DGKB: variants seen among roughly 807,000 people sequenced by gnomAD.
DGKB encodes the protein 90 kDa diacylglycerol kinase.
In DGKB, 67 loss-of-function variants were observed where a neutral mutation model predicts 114.3. That is an observed-to-expected ratio of 0.59 (90% CI 0.48 to 0.72). The LOEUF (loss-of-function observed/expected upper bound fraction) is 0.72. Among genes scored for constraint, DGKB ranks in the 30% least tolerant of loss-of-function variants. The probability of loss-of-function intolerance (pLI) is 0.00; values close to 1 mark genes in which losing one functional copy is unlikely to be tolerated. For missense variants in DGKB, 907 were observed against 975.2 expected, an observed-to-expected ratio of 0.93 and a Z score of 0.93; for synonymous variants, 398 against 323.1, an observed-to-expected ratio of 1.23 and a Z score of -2.49.
intron 23 of DGKB, among the ~76,000 whole-genome samples, chr7:14,284,180 C>G (rs2128460452): frequency 6.6e-6 from 1 of 151,632 alleles, no homozygotes; most frequent in African/African-American, 2.4e-5. Context: ...AAAAAACAAC[C>G]TCATCAAAAA....
At chr7:14,931,144 T>C (rs1474730888) in intron 1 of DGKB, among the ~76,000 whole-genome samples, 3 of 149,794 alleles carry the variant, frequency 2.0e-5, no homozygotes, top group South Asian at 2.1e-4. Flanking sequence ...TGGAGTCTCA[T>C]CCTGTCGCCC....
At chr7:14,272,825 A>G (rs1798460206) in intron 23 of DGKB, among the ~76,000 whole-genome samples, 1 of 152,198 alleles carries the variant, frequency 6.6e-6, no homozygotes, top group South Asian at 2.1e-4. Flanking sequence ...CTTAAGTGAA[A>G]GATAAGTTTC....
At chr7:14,721,515 CATG>C (rs1300185626) in intron 5 of DGKB, among the ~76,000 whole-genome samples, 1 of 152,082 alleles carries the variant, frequency 6.6e-6, no homozygotes, top group African/African-American at 2.4e-5. Flanking sequence ...GTATTTATCA[CATG>C]GAATACGGTT....
chr7:14,532,006 CAT>C (rs1161190285), intron 20 of DGKB, among the ~76,000 whole-genome samples: 4 of 150,812 alleles, frequency 2.7e-5, no homozygotes, highest in African/African-American at 9.7e-5. Context: ...CCCTTTAAAC[CAT>C]ATACAAAAAT....
At chr7:14,522,604 A>G (rs977903973) in intron 20 of DGKB, among the ~76,000 whole-genome samples, 2 of 152,140 alleles carry the variant, frequency 1.3e-5, no homozygotes, top group African/African-American at 2.4e-5. Flanking sequence ...TATTGACACA[A>G]CTGGAAAGGG....
At chr7:14,269,741 A>G (rs1283822123) in intron 23 of DGKB, among the ~76,000 whole-genome samples, 1 of 152,196 alleles carries the variant, frequency 6.6e-6, no homozygotes, top group Non-Finnish European at 1.5e-5. Flanking sequence ...TTTCAATTCA[A>G]TCTGTATATC....
intron 2 of DGKB, among the ~76,000 whole-genome samples, chr7:14,801,913 C>T (rs186400344): frequency 0.048 from 6,147 of 126,970 alleles, 179 homozygotes; most frequent in South Asian, 0.064. Context: ...CATATACACA[C>T]ATATATACAT....
chr7:14,484,061 T>G (rs1440801561), intron 20 of DGKB, among the ~76,000 whole-genome samples: 2 of 151,948 alleles, frequency 1.3e-5, no homozygotes, highest in Non-Finnish European at 2.9e-5. Flanking sequence ...AAAACATTAT[T>G]CTATAATATT....
intron 13 of DGKB, among the ~76,000 whole-genome samples, chr7:14,630,607 T>C (rs1038682617): frequency 2.6e-5 from 4 of 152,016 alleles, no homozygotes; most frequent in Non-Finnish European, 5.9e-5. Context: ...AATTTGCCCC[T>C]TTACCCATCC....
intron 20 of DGKB, among the ~76,000 whole-genome samples, chr7:14,570,688 T>A (rs1312280930): frequency 6.6e-6 from 1 of 152,116 alleles, no homozygotes; most frequent in African/African-American, 2.4e-5. Context: ...AAGGTCTTTA[T>A]CTTCATCATC....
At position 14,162,188 on chromosome 7, in the gene DGKB, A is replaced by T. The variant is rs562373386; in HGVS notation, c.2305-12950T>A. On this transcript the variant is annotated intron_variant, in intron 25 of 25. Transcript: ENST00000402815. ...GGCAAGGTCAGAAGGCAAATGTGAG[A>T]GGATAGTCAGGCCCAGACCTTGTGA... 2.6e-5 allele frequency among the ~76,000 whole-genome samples: 4 copies of T among 152,336 alleles called. No homozygotes were observed. In the East Asian group the frequency reaches 7.7e-4, roughly 29 times the overall value.
At chr7:14,228,884 C>CTGTG (rs71548072) in intron 23 of DGKB, among the ~76,000 whole-genome samples, 8,216 of 148,702 alleles carry the variant, frequency 0.055, 286 homozygotes, top group Non-Finnish European at 0.083. Context: ...AGTTTTTTTT[C>CTGTG]TGTGTGTGTG....
intron 23 of DGKB, among the ~76,000 whole-genome samples, chr7:14,246,442 A>T (rs1363264199): frequency 2.0e-5 from 3 of 152,182 alleles, no homozygotes; most frequent in African/African-American, 7.2e-5. Flanking sequence ...CTGAACCCAC[A>T]TTCTTAACCC....
intron 21 of DGKB, among the ~76,000 whole-genome samples, chr7:14,383,142 A>T (rs1467022464): frequency 6.6e-6 from 1 of 152,172 alleles, no homozygotes; most frequent in African/African-American, 2.4e-5. Flanking sequence ...TTCTATTTTC[A>T]ATAGTATCTC....
rs1434402685 is a variant in DGKB at position 14,273,367 on chromosome 7, AAAAG to A, written c.2122+65144_2122+65147del. ...TCTTATAAAAAATAAAAAATACATA[AAAAG>A]AAAGAAAGAAAAGAAAGGTCTGAAA... On this transcript the variant is annotated intron_variant, in intron 23 of 25. Transcript: ENST00000402815. Among the ~76,000 whole-genome samples the A allele has an allele frequency of 6.6e-5, 10 of 152,200 alleles. No individual in the cohort carries two copies. The East Asian group carries it at 1.4e-3, about 21-fold the overall frequency.
intron 23 of DGKB, among the ~76,000 whole-genome samples, chr7:14,317,518 G>A (rs1229143570): frequency 2.8e-4 from 42 of 151,852 alleles, no homozygotes; most frequent in Middle Eastern, 3.4e-3. Flanking sequence ...CAAATCATGA[G>A]TGAACTCCCA....
intron 6 of DGKB, among the ~76,000 whole-genome samples, chr7:14,711,561 T>C (rs1039472607): frequency 7.2e-5 from 11 of 152,022 alleles, no homozygotes; most frequent in Admixed American, 1.3e-4. Flanking sequence ...AAATAAAATA[T>C]GAGAGGAGAA....
chr7:14,961,588 C>T (rs975316168), intron 1 of DGKB, among the ~76,000 whole-genome samples: 4 of 152,126 alleles, frequency 2.6e-5, no homozygotes, highest in Admixed American at 1.3e-4. Context: ...TCTGTTTCAT[C>T]ACAGCTTTTG....
intron 1 of DGKB, among the ~76,000 whole-genome samples, chr7:14,849,508 A>G (rs1434462080): frequency 6.6e-6 from 1 of 152,094 alleles, no homozygotes; most frequent in Non-Finnish European, 1.5e-5. Flanking sequence ...GGCCCTCACC[A>G]GATGCTGGCA....
Sources: allele counts gnomAD v4.1 joint callset (sites outside exome capture counted in the v4.1 genomes callset), GRCh38; gene constraint gnomAD v4.1.1; transcripts MANE v1.5; gene names NCBI Gene and HGNC (gene_info 2026-07-23, HGNC 2026-07-21).